PPP1R17: variants seen among roughly 807,000 people sequenced by gnomAD.
PPP1R17 encodes the protein G-substrate.
PPP1R17 carries 12 observed loss-of-function variants against 15.9 expected under a neutral mutation model. That is an observed-to-expected ratio of 0.75 (90% CI 0.48 to 1.22). The LOEUF is 1.22. PPP1R17 is among the 50% of genes most tolerant of loss of function. The pLI is 0.00. For synonymous variants in PPP1R17, 63 were observed against 64.5 expected (o/e 0.98, Z 0.11); for missense variants, 211 against 187.3 (o/e 1.13, Z -0.74).
intron 4 of PPP1R17, among the ~76,000 whole-genome samples, chr7:31,697,881 G>A (rs985149283): frequency 2.9e-4 from 44 of 152,324 alleles, no homozygotes; most frequent in African/African-American, 1.1e-3. Context: ...CTAAGAAACA[G>A]AGAATTTAAT....
intron 4 of PPP1R17, among the ~76,000 whole-genome samples, chr7:31,705,986 ATTTTTTTTTTTTTTTTTTT>A (rs550189867): frequency 3.2e-4 from 17 of 52,514 alleles, no homozygotes; most frequent in South Asian, 1.7e-3. Context: ...CAGACCAGTA[ATTTTTTTTTTTTTTTTTTT>A]TTTTTTTTTT....
chr7:31,695,504 C>T lies in PPP1R17; in HGVS notation c.118C>T (p.Leu40Phe). ...LSDQFIKDCDLKKKPRKGKNV... is the reference protein window; with the variant it reads ...LSDQFIKDCDFKKKPRKGKNV... ...AGACCAGTTCATTAAGGACTGTGATCTCAAAAAGAAGCCTAGAAAGGGAAA... is the reference window on the plus strand; with the variant it reads ...AGACCAGTTCATTAAGGACTGTGATTTCAAAAAGAAGCCTAGAAAGGGAAA... The change falls in exon 3 of 5, where the codon CTC becomes TTC. Residue 40 changes from leucine to phenylalanine, a missense_variant. Coordinates refer to ENST00000342032, the MANE Select transcript of PPP1R17 (RefSeq NM_006658.5). The T allele has an allele frequency of 6.2e-7, 1 of 1,612,950 alleles. No individual in the cohort carries two copies. The highest frequency in any genetic ancestry group is 8.5e-7 in the Non-Finnish European group (1 of 1,179,640).
chr7:31,703,822 T>C (rs978591910), intron 4 of PPP1R17, among the ~76,000 whole-genome samples: 11 of 152,166 alleles, frequency 7.2e-5, no homozygotes, highest in Admixed American at 4.6e-4. Context: ...CTACCTTCAC[T>C]CCCCTTAGTT....
chr7:31,695,651 A>G (rs1792547595), intron 3 of PPP1R17, 30 bp downstream of exon 3: 4 of 1,571,856 alleles, frequency 2.5e-6, no homozygotes, highest in African/African-American at 1.4e-5. Context: ...GCACAGCTGT[A>G]AAGGAGAGCC....
intron 4 of PPP1R17, among the ~76,000 whole-genome samples, chr7:31,699,274 G>A (rs117040470): frequency 8.2e-4 from 125 of 152,214 alleles, no homozygotes; most frequent in Non-Finnish European, 1.2e-3. Context: ...TGAGTCAACT[G>A]TGATGGCCCA....
intron 1 of PPP1R17, among the ~76,000 whole-genome samples, chr7:31,688,837 A>G (rs1220989647): frequency 6.6e-6 from 1 of 152,218 alleles, no homozygotes; most frequent in Non-Finnish European, 1.5e-5. Flanking sequence ...ATTCTGTCAA[A>G]CAACCACAAC....
chr7:31,704,596 T>G (rs1206357663), intron 4 of PPP1R17, among the ~76,000 whole-genome samples: 1 of 152,232 alleles, frequency 6.6e-6, no homozygotes, highest in Non-Finnish European at 1.5e-5. Flanking sequence ...TATTGTCCAG[T>G]GATTCCTACA....
chr7:31,698,078 C>T (rs1792678470), intron 4 of PPP1R17, among the ~76,000 whole-genome samples: 1 of 152,162 alleles, frequency 6.6e-6, no homozygotes, highest in South Asian at 2.1e-4. Flanking sequence ...CACCTTTGGG[C>T]AGTTTTTCAC....
intron 1 of PPP1R17, among the ~76,000 whole-genome samples, chr7:31,691,306 C>G (rs1351003118): frequency 6.6e-6 from 1 of 152,170 alleles, no homozygotes; most frequent in Non-Finnish European, 1.5e-5. Flanking sequence ...ATTTTATGAG[C>G]TTGAAACATT....
chr7:31,700,886 G>C (rs1050612813), intron 4 of PPP1R17, among the ~76,000 whole-genome samples: 3 of 152,128 alleles, frequency 2.0e-5, no homozygotes, highest in Non-Finnish European at 4.4e-5. Flanking sequence ...TAAGCCTACT[G>C]TTTAGACCTA....
intron 2 of PPP1R17, among the ~76,000 whole-genome samples, chr7:31,693,161 G>C (rs1451340971): frequency 6.6e-6 from 1 of 151,886 alleles, no homozygotes; most frequent in Non-Finnish European, 1.5e-5. Context: ...CTCCCCATTT[G>C]CCATCAAGAT....
chr7:31,702,514 G>A (rs756807097), intron 4 of PPP1R17, among the ~76,000 whole-genome samples: 2 of 152,130 alleles, frequency 1.3e-5, no homozygotes, highest in South Asian at 2.1e-4. Context: ...CAGCCAGCTC[G>A]AAGCCTCTGC....
intron 4 of PPP1R17, among the ~76,000 whole-genome samples, chr7:31,699,471 T>C (rs1792750357): frequency 1.3e-5 from 2 of 152,192 alleles, no homozygotes; most frequent in Non-Finnish European, 2.9e-5. Context: ...GAATAACTAA[T>C]TTAAGAATAA....
chr7:31,704,060 A>G (rs1264599134), intron 4 of PPP1R17, among the ~76,000 whole-genome samples: 1 of 152,192 alleles, frequency 6.6e-6, no homozygotes, highest in Admixed American at 6.5e-5. Flanking sequence ...CACAAATGGA[A>G]CCATGAAAAA....
At chr7:31,698,527 A>C (rs1207173679) in intron 4 of PPP1R17, among the ~76,000 whole-genome samples, 3 of 152,180 alleles carry the variant, frequency 2.0e-5, no homozygotes, top group Admixed American at 6.5e-5. Flanking sequence ...CACTGACTAC[A>C]TGCAAGCTTC....
chr7:31,694,819 G>A (rs1212738767), intron 2 of PPP1R17, among the ~76,000 whole-genome samples: 1 of 152,172 alleles, frequency 6.6e-6, no homozygotes, highest in Non-Finnish European at 1.5e-5. Flanking sequence ...CGATGTAAAA[G>A]CCAGGCTTCA....
In PPP1R17 at chr7:31,707,170, G is replaced by A. The variant is rs547669880; in HGVS notation, c.389-34G>A. ...ACGTTGCCTAATGTTTTAATTAGAG[G>A]TACTTAATTGCAGGTCTGTGCTTTG... On this transcript the variant is annotated intron_variant, in intron 4 of 4. Coordinates refer to ENST00000342032, the MANE Select transcript of PPP1R17 (RefSeq NM_006658.5). 16 of 1,583,356 alleles carry A rather than the reference G, an allele frequency of 1.0e-5. No homozygotes were observed. In the South Asian group the frequency reaches 1.8e-4, roughly 18 times the overall value.
chr7:31,697,928 C>A (rs34178), intron 4 of PPP1R17, among the ~76,000 whole-genome samples: 62,636 of 151,980 alleles, frequency 0.41, 14,444 homozygotes, highest in East Asian at 0.68. Flanking sequence ...TATGTGGATA[C>A]AATTGATAGA....
In PPP1R17 at chr7:31,695,457, T is replaced by C; in HGVS notation, c.83-12T>C. ...TTATATTCTTTATTTCTTTGTATCC[T>C]GTCAAAATTAGATGATCTTTCAGAC... On this transcript the variant is annotated splice_polypyrimidine_tract_variant and intron_variant, in intron 2 of 4. Transcript: ENST00000342032. 6.3e-7 allele frequency: 1 copy of C among 1,590,036 alleles called. No individual in the cohort carries two copies. Among genetic ancestry groups the C allele is most frequent in the South Asian group, 1.2e-5 (1 of 86,482 alleles).
Sources: gnomAD v4.1 joint callset for allele counts (sites outside exome capture counted in the v4.1 genomes callset) on GRCh38, gnomAD v4.1.1 for gene constraint, MANE v1.5 for transcripts, NCBI Gene and HGNC (gene_info 2026-07-23, HGNC 2026-07-21) for gene names.